Variants in LRRC4C observed in about 807,000 individuals in gnomAD.
LRRC4C encodes the protein leucine-rich repeat-containing protein 4C.
In LRRC4C, 5 loss-of-function variants were observed where a neutral mutation model predicts 33.6. The observed-to-expected ratio is 0.15, with a 90% CI of 0.08 to 0.31. The LOEUF is 0.31. LRRC4C is among the 10% of genes least tolerant of loss of function. LRRC4C has a pLI of 1.00. For missense variants in LRRC4C, 560 were observed against 796.7 expected (o/e 0.70, Z 3.58); for synonymous variants, 329 against 302.0 (o/e 1.09, Z -0.93).
chr11:40,184,882 C>T (rs1484845571), intron 5 of LRRC4C, among the ~76,000 whole-genome samples: 8 of 152,228 alleles, frequency 5.3e-5, no homozygotes, highest in Admixed American at 4.6e-4. Context: ...ACAGCTTGTG[C>T]TCACAGGCTG....
At chr11:40,328,759 G>A (rs1298356661) in intron 3 of LRRC4C, among the ~76,000 whole-genome samples, 1 of 152,204 alleles carries the variant, frequency 6.6e-6, no homozygotes, top group Non-Finnish European at 1.5e-5. Flanking sequence ...TGAAAGAGAA[G>A]TGATTATCAG....
At chr11:41,304,932 A>C (rs867519091) in intron 1 of LRRC4C, among the ~76,000 whole-genome samples, 1,027 of 72,016 alleles carry the variant, frequency 0.014, 70 homozygotes, top group Admixed American at 0.06. Flanking sequence ...GGGTCAGCCC[A>C]CCTGCTGGGC....
chr11:40,134,979 C>A (rs1856871984), intron 6 of LRRC4C, among the ~76,000 whole-genome samples: 1 of 152,166 alleles, frequency 6.6e-6, no homozygotes, highest in Non-Finnish European at 1.5e-5. Flanking sequence ...TTTATGAGAT[C>A]TGAGCAAGGG....
At chr11:40,551,855 T>C (rs1591080953) in intron 3 of LRRC4C, among the ~76,000 whole-genome samples, 1 of 152,332 alleles carries the variant, frequency 6.6e-6, no homozygotes, top group African/African-American at 2.4e-5. Context: ...GGTATCCAGA[T>C]ATTTGGTGAA....
intron 1 of LRRC4C, among the ~76,000 whole-genome samples, chr11:41,279,842 T>A (rs967948702): frequency 6.6e-6 from 1 of 151,944 alleles, no homozygotes; most frequent in Non-Finnish European, 1.5e-5. Flanking sequence ...CTATAAAATG[T>A]GGCTGGCCAC....
chr11:41,407,373 C>T (rs1954283898), intron 1 of LRRC4C, among the ~76,000 whole-genome samples: 1 of 150,144 alleles, frequency 6.7e-6, no homozygotes, highest in Non-Finnish European at 1.5e-5. Context: ...ATGATTACAG[C>T]TCTTGGCAAC....
chr11:41,442,458 C>CTTTTTTTTTCTTTTTTTTTTT (rs1955653259), intron 1 of LRRC4C, among the ~76,000 whole-genome samples: 1 of 84,070 alleles, frequency 1.2e-5, no homozygotes, highest in African/African-American at 4.8e-5. Context: ...TTGCTTTTTT[C>CTTTTTTTTTCTTTTTTTTTTT]TTTTTTTTTT....
intron 1 of LRRC4C, among the ~76,000 whole-genome samples, chr11:41,160,517 G>T (rs949131767): frequency 6.6e-6 from 1 of 151,994 alleles, no homozygotes; most frequent in East Asian, 1.9e-4. Context: ...CTGAACATGA[G>T]TTGCTGATCT....
intron 1 of LRRC4C, among the ~76,000 whole-genome samples, chr11:41,251,906 A>T (rs1047334984): frequency 6.6e-6 from 1 of 152,228 alleles, no homozygotes; most frequent in Non-Finnish European, 1.5e-5. Flanking sequence ...TATATTCATG[A>T]GGTATCATGT....
intron 1 of LRRC4C, among the ~76,000 whole-genome samples, chr11:41,234,071 A>C (rs574652604): frequency 6.6e-6 from 1 of 152,030 alleles, no homozygotes; most frequent in East Asian, 1.9e-4. Context: ...TTGTCCCCAG[A>C]TACCTCTACT....
At chr11:40,525,252 C>T (rs1477850105) in intron 3 of LRRC4C, among the ~76,000 whole-genome samples, 1 of 152,084 alleles carries the variant, frequency 6.6e-6, no homozygotes, top group African/African-American at 2.4e-5. Flanking sequence ...CGAGACCATC[C>T]TGGCTAACAC....
At chr11:40,200,180 T>TAAAAAAAAAAAAAAAAAAAAAAA (rs56269292) in intron 5 of LRRC4C, among the ~76,000 whole-genome samples, 1 of 26,046 alleles carries the variant, frequency 3.8e-5, no homozygotes, top group Non-Finnish European at 7.0e-5. Flanking sequence ...CTGTCTCCAC[T>TAAAAAAAAAAAAAAAAAAAAAAA]AAAAAAAAAA....
At chr11:41,253,780 G>T (rs1948715925) in intron 1 of LRRC4C, among the ~76,000 whole-genome samples, 1 of 152,064 alleles carries the variant, frequency 6.6e-6, no homozygotes, top group Non-Finnish European at 1.5e-5. Flanking sequence ...GTTTATGTTT[G>T]TTCAAGTTTT....
intron 1 of LRRC4C, among the ~76,000 whole-genome samples, chr11:41,250,204 C>T (rs1488984487): frequency 6.6e-6 from 1 of 151,974 alleles, no homozygotes; most frequent in Admixed American, 6.6e-5. Context: ...AAAAATAGTG[C>T]CTGGCACCCA....
intron 1 of LRRC4C, among the ~76,000 whole-genome samples, chr11:41,179,021 G>T (rs1011887554): frequency 6.6e-6 from 1 of 152,010 alleles, no homozygotes; most frequent in Admixed American, 6.6e-5. Context: ...TTTTTAATAT[G>T]GTTTATAAGT....
At chr11:41,018,807 C>T (rs1855762456) in intron 1 of LRRC4C, among the ~76,000 whole-genome samples, 1 of 152,094 alleles carries the variant, frequency 6.6e-6, no homozygotes, top group African/African-American at 2.4e-5. Context: ...AGCTTGTTGC[C>T]ACCCTAAGCT....
intron 2 of LRRC4C, among the ~76,000 whole-genome samples, chr11:40,727,659 A>G (rs1947350078): frequency 6.6e-6 from 1 of 152,202 alleles, no homozygotes; most frequent in African/African-American, 2.4e-5. Context: ...TATGCATTCA[A>G]CAGAGGATCG....
chr11:40,436,973 G>A (rs141373319), intron 3 of LRRC4C, among the ~76,000 whole-genome samples: 1,711 of 152,256 alleles, frequency 0.011, 33 homozygotes, highest in African/African-American at 0.039. Flanking sequence ...GTTCGAGCTC[G>A]GGGGAGGATG....
chr11:40,337,049 G>C (rs530719328), intron 3 of LRRC4C, among the ~76,000 whole-genome samples: 2 of 148,722 alleles, frequency 1.3e-5, no homozygotes, highest in Non-Finnish European at 3.0e-5. Context: ...GGTCAGGGAC[G>C]TCCTCACCAA....
Sources: allele counts gnomAD v4.1 joint callset (sites outside exome capture counted in the v4.1 genomes callset), GRCh38; gene constraint gnomAD v4.1.1; transcripts MANE v1.5; gene names NCBI Gene and HGNC (gene_info 2026-07-23, HGNC 2026-07-21).